The following CCDC178 variants were observed in gnomAD, a reference collection of about 807,000 sequenced individuals.
CCDC178 encodes coiled-coil domain-containing protein 178.
Under a neutral mutation model 117.4 loss-of-function variants are expected in CCDC178, and 126 were observed. The observed-to-expected ratio is 1.07, with a 90% CI of 0.93 to 1.24. The LOEUF (loss-of-function observed/expected upper bound fraction) is 1.24. Among genes scored for constraint, CCDC178 ranks in the 50% most tolerant of loss-of-function variants. CCDC178 has a pLI of 0.00. For synonymous variants in CCDC178, 283 were observed against 313.4 expected (o/e 0.90, Z 1.02); for missense variants, 1,030 against 986.9 (o/e 1.04, Z -0.59).
intron 21 of CCDC178, among the ~76,000 whole-genome samples, chr18:33,078,868 A>C (rs2057252764): frequency 6.6e-6 from 1 of 152,258 alleles, no homozygotes; most frequent in South Asian, 2.1e-4. Flanking sequence ...AGCAGTTTAC[A>C]GATTCAATGC....
chr18:33,292,542 T>G (rs892465102), intron 12 of CCDC178, among the ~76,000 whole-genome samples: 1 of 152,006 alleles, frequency 6.6e-6, no homozygotes, highest in African/African-American at 2.4e-5. Flanking sequence ...AATAATTCAT[T>G]CTGTATTTTC....
intron 14 of CCDC178, among the ~76,000 whole-genome samples, chr18:33,259,945 T>C (rs1311759591): frequency 6.6e-6 from 1 of 152,156 alleles, no homozygotes; most frequent in Non-Finnish European, 1.5e-5. Flanking sequence ...AAAGTAACAT[T>C]TTATTGAAGT....
At chr18:33,020,529 A>G (rs2144826388) in intron 21 of CCDC178, among the ~76,000 whole-genome samples, 1 of 152,322 alleles carries the variant, frequency 6.6e-6, no homozygotes, top group South Asian at 2.1e-4. Flanking sequence ...TTATAAGTCC[A>G]TGAGCCCACT....
At chr18:33,160,259 T>C (rs2058446714) in intron 20 of CCDC178, among the ~76,000 whole-genome samples, 3 of 152,152 alleles carry the variant, frequency 2.0e-5, no homozygotes, top group Admixed American at 1.3e-4. Context: ...ACAGTCTTGG[T>C]AAATGAATGG....
intron 21 of CCDC178, among the ~76,000 whole-genome samples, chr18:33,040,049 G>A (rs1338723020): frequency 6.6e-6 from 1 of 151,628 alleles, no homozygotes; most frequent in African/African-American, 2.4e-5. Flanking sequence ...GATAAATATA[G>A]TATTTCATGA....
chr18:33,308,943 T>G (rs1414592573), intron 11 of CCDC178, among the ~76,000 whole-genome samples: 3 of 152,238 alleles, frequency 2.0e-5, no homozygotes, highest in Non-Finnish European at 4.4e-5. Flanking sequence ...TTACCCAGTG[T>G]CAGGCAGTTC....
chr18:33,110,858 T>A (rs2057771328), intron 20 of CCDC178, among the ~76,000 whole-genome samples: 1 of 151,634 alleles, frequency 6.6e-6, no homozygotes. Context: ...CTCAACTTTG[T>A]CCATCTTCAA....
chr18:33,280,890 G>T (rs935612257), intron 12 of CCDC178, among the ~76,000 whole-genome samples: 2 of 152,110 alleles, frequency 1.3e-5, no homozygotes, highest in Non-Finnish European at 2.9e-5. Flanking sequence ...ACTCATAGAT[G>T]GGAATTGAAC....
intron 21 of CCDC178, among the ~76,000 whole-genome samples, chr18:33,043,780 CT>C (rs1405971072): frequency 6.6e-6 from 1 of 151,752 alleles, no homozygotes; most frequent in African/African-American, 2.4e-5. Context: ...CTCAGATTTT[CT>C]AGCAATTATA....
chr18:32,955,397 C>T lies in CCDC178; in HGVS notation c.2524-17306G>A, dbSNP rs1476156901. ...TCTTTCAGGTCTAGGTCTTAGTACT[C>T]TGTTTGTCTTTTGTATGGAAAATCT... is the stretch of plus-strand genomic sequence containing the variant. On this transcript the variant is annotated intron_variant, in intron 22 of 22. Transcript: ENST00000383096. 2.7e-5 allele frequency among the ~76,000 whole-genome samples: 4 copies of T among 150,276 alleles called. No homozygotes were observed. The East Asian group carries it at 7.9e-4, about 30-fold the overall frequency.
chr18:33,332,198 G>A (rs1041775730), intron 10 of CCDC178, among the ~76,000 whole-genome samples: 13 of 152,032 alleles, frequency 8.6e-5, no homozygotes, highest in South Asian at 4.1e-4. Flanking sequence ...TAACACACAC[G>A]CATATATATA....
intron 22 of CCDC178, among the ~76,000 whole-genome samples, chr18:32,959,197 G>A (rs1472786846): frequency 6.6e-6 from 1 of 152,130 alleles, no homozygotes; most frequent in Non-Finnish European, 1.5e-5. Context: ...TGAGGGATCT[G>A]CAGGGGAAAG....
At chr18:33,015,622 G>C (rs2055971560) in intron 21 of CCDC178, among the ~76,000 whole-genome samples, 1 of 151,348 alleles carries the variant, frequency 6.6e-6, no homozygotes, top group East Asian at 1.9e-4. Context: ...GGCTAATTGG[G>C]GAAAATATGG....
At chr18:33,285,629 C>T (rs1356384815) in intron 12 of CCDC178, among the ~76,000 whole-genome samples, 2 of 152,036 alleles carry the variant, frequency 1.3e-5, no homozygotes, top group Admixed American at 6.6e-5. Flanking sequence ...TAAACCATAA[C>T]CAAGCAGAGT....
At chr18:32,998,746 C>T (rs1484169582) in intron 21 of CCDC178, among the ~76,000 whole-genome samples, 1 of 152,090 alleles carries the variant, frequency 6.6e-6, no homozygotes, top group Non-Finnish European at 1.5e-5. Context: ...GAACCGTTGC[C>T]TTGAAGGGAA....
In CCDC178 at chr18:33,416,161, CTCACGCCTGTAA is replaced by C. The variant is rs764000747; in HGVS notation, c.-22-4063_-22-4052del. Among the ~76,000 whole-genome samples, 52 of 152,338 alleles carry C rather than the reference CTCACGCCTGTAA, an allele frequency of 3.4e-4. No individual in the cohort carries two copies. In the South Asian group the frequency reaches 0.01, roughly 30 times the overall value. On this transcript the variant is annotated intron_variant, in intron 2 of 22. Coordinates refer to ENST00000383096, the MANE Select transcript of CCDC178 (RefSeq NM_001105528.4). ...AAACTGCCCGGGCCGGGAGCGATGG[CTCACGCCTGTAA>C]TCCCAGCACTTTGGGAGGCCGAGGC...
intron 21 of CCDC178, among the ~76,000 whole-genome samples, chr18:32,975,759 A>T (rs2055016618): frequency 6.6e-6 from 1 of 152,160 alleles, no homozygotes; most frequent in Admixed American, 6.6e-5. Context: ...ACATCCAAAC[A>T]TATAATATCA....
At chr18:33,414,700 G>A (rs2063908398) in intron 2 of CCDC178, among the ~76,000 whole-genome samples, 3 of 152,178 alleles carry the variant, frequency 2.0e-5, no homozygotes, top group South Asian at 2.1e-4. Flanking sequence ...ATTGACAAAT[G>A]GGATCTAATT....
intron 20 of CCDC178, among the ~76,000 whole-genome samples, chr18:33,102,944 T>C (rs982111454): frequency 6.6e-6 from 1 of 151,810 alleles, no homozygotes; most frequent in Non-Finnish European, 1.5e-5. Flanking sequence ...AGTTAAGTAA[T>C]TGCAATAGAG....
Sources: allele counts gnomAD v4.1 joint callset (sites outside exome capture counted in the v4.1 genomes callset), GRCh38; gene constraint gnomAD v4.1.1; transcripts MANE v1.5; gene names NCBI Gene and HGNC (gene_info 2026-07-23, HGNC 2026-07-21).